The following CRACD variants were observed in gnomAD, a reference collection of about 807,000 sequenced individuals.
The protein encoded by CRACD is capping protein-inhibiting regulator of actin dynamics.
Under a neutral mutation model 106.8 loss-of-function variants are expected in CRACD, and 56 were observed. The observed-to-expected ratio is 0.52, with a 90% CI of 0.42 to 0.66. CRACD has a LOEUF of 0.66. CRACD is among the 30% of genes least tolerant of loss of function. The pLI is 0.00. For missense variants in CRACD, 1,730 were observed against 1,623.2 expected (o/e 1.07, Z -1.13); for synonymous variants, 754 against 670.8 (o/e 1.12, Z -1.92).
intron 1 of CRACD, among the ~76,000 whole-genome samples, chr4:56,081,725 C>T (rs960398021): frequency 6.6e-5 from 10 of 152,260 alleles, no homozygotes; most frequent in African/African-American, 2.4e-4. Flanking sequence ...CCTGTAATCT[C>T]AGCACTTTGG....
At chr4:56,128,498 G>T (rs778879435) in intron 1 of CRACD, among the ~76,000 whole-genome samples, 6 of 152,130 alleles carry the variant, frequency 3.9e-5, no homozygotes, top group Non-Finnish European at 8.8e-5. Context: ...TGTTGTAAAT[G>T]CTTCTTGACA....
At position 56,227,152 on chromosome 4, in the gene CRACD, A is replaced by G. The variant is rs537206122; in HGVS notation, c.-188-45169A>G. Among the ~76,000 whole-genome samples the G allele has an allele frequency of 9.8e-4, 149 of 152,336 alleles. 1 individual carries two copies. The highest frequency in any genetic ancestry group is 3.3e-3 in the African/African-American group (138 of 41,578). On this transcript the variant is annotated intron_variant, in intron 2 of 10. Transcript: ENST00000682029. ...CAGGATTCCAGTAAAAGTGGTCAACATAATGTGAGAGATGTACTTTTGTTA... is the reference window on the plus strand; with the variant it reads ...CAGGATTCCAGTAAAAGTGGTCAACGTAATGTGAGAGATGTACTTTTGTTA...
intron 1 of CRACD, among the ~76,000 whole-genome samples, chr4:56,178,920 C>T (rs1736697443): frequency 6.6e-6 from 1 of 152,176 alleles, no homozygotes; most frequent in Non-Finnish European, 1.5e-5. Flanking sequence ...ATGATTACTG[C>T]CTTCACGTCT....
chr4:56,272,230 T>C (rs2109647676), intron 2 of CRACD, 91 bp from the exon 3 acceptor site: 1 of 153,780 alleles, frequency 6.5e-6, no homozygotes, highest in East Asian at 1.9e-4. Context: ...CTGTCTCCTT[T>C]GGCCGGAGGC....
At chr4:56,324,002 A>G in intron 9 of CRACD, 102 bp from the exon 10 acceptor site, 2 of 1,284,616 alleles carry the variant, frequency 1.6e-6, no homozygotes. Context: ...TTGGAAGCAG[A>G]GGTCAGGGGC....
At chr4:56,145,669 T>C (rs1735354938) in intron 1 of CRACD, among the ~76,000 whole-genome samples, 1 of 152,156 alleles carries the variant, frequency 6.6e-6, no homozygotes, top group Non-Finnish European at 1.5e-5. Context: ...TGGAGTGCGG[T>C]GTTGTGATCT....
intron 1 of CRACD, among the ~76,000 whole-genome samples, chr4:56,123,153 A>G (rs1221562656): frequency 6.6e-6 from 1 of 152,218 alleles, no homozygotes; most frequent in Non-Finnish European, 1.5e-5. Context: ...TGTTAATAAG[A>G]GCTGACATTT....
At chr4:56,052,154 A>T (rs1242617313) in intron 1 of CRACD, among the ~76,000 whole-genome samples, 1 of 152,114 alleles carries the variant, frequency 6.6e-6, no homozygotes, top group Non-Finnish European at 1.5e-5. Context: ...CTCCCAAAAT[A>T]CTAGGATTAC....
intron 2 of CRACD, among the ~76,000 whole-genome samples, chr4:56,201,954 G>A (rs1233109426): frequency 2.0e-5 from 3 of 152,184 alleles, no homozygotes; most frequent in African/African-American, 4.8e-5. Flanking sequence ...TAAGAAGTTG[G>A]AGACAAGTTA....
At chr4:56,326,717 T>A (rs971100085) in intron 10 of CRACD, among the ~76,000 whole-genome samples, 2 of 149,876 alleles carry the variant, frequency 1.3e-5, no homozygotes, top group Non-Finnish European at 3.0e-5. Flanking sequence ...AGGCACCCAG[T>A]GGATGCTTTT....
intron 1 of CRACD, among the ~76,000 whole-genome samples, chr4:56,113,086 TA>T (rs1297086663): frequency 6.6e-6 from 1 of 151,942 alleles, no homozygotes; most frequent in Non-Finnish European, 1.5e-5. Flanking sequence ...AGTGGCATCT[TA>T]ATATGGACTT....
intron 2 of CRACD, among the ~76,000 whole-genome samples, chr4:56,236,824 A>T (rs1444408559): frequency 6.6e-6 from 1 of 152,188 alleles, no homozygotes; most frequent in African/African-American, 2.4e-5. Context: ...TTTGCAACGT[A>T]TTACAAATGT....
chr4:56,094,376 G>T (rs1432117143), intron 1 of CRACD, among the ~76,000 whole-genome samples: 4 of 147,340 alleles, frequency 2.7e-5, no homozygotes, highest in Non-Finnish European at 6.0e-5. Context: ...TTCATAAAAT[G>T]ATTTTTATAT....
At chr4:56,230,032 C>G (rs934833586) in intron 2 of CRACD, among the ~76,000 whole-genome samples, 1 of 152,180 alleles carries the variant, frequency 6.6e-6, no homozygotes, top group South Asian at 2.1e-4. Flanking sequence ...GGATTTTCTG[C>G]TTATTATTTC....
intron 1 of CRACD, among the ~76,000 whole-genome samples, chr4:56,136,197 T>C (rs746846286): frequency 6.6e-6 from 1 of 152,232 alleles, no homozygotes; most frequent in Non-Finnish European, 1.5e-5. Flanking sequence ...CCTGTTTTGC[T>C]GTTAAAATAA....
intron 7 of CRACD, among the ~76,000 whole-genome samples, 158 bp from the exon 8 acceptor site, chr4:56,313,882 G>A (rs1402992449): frequency 6.6e-6 from 1 of 152,110 alleles, no homozygotes; most frequent in Admixed American, 6.5e-5. Flanking sequence ...CTTGCGTGGG[G>A]TGACCGATGC....
chr4:56,065,865 C>A (rs1732449490), intron 1 of CRACD, among the ~76,000 whole-genome samples: 1 of 152,292 alleles, frequency 6.6e-6, no homozygotes, highest in East Asian at 1.9e-4. Context: ...CAGCCCCTGG[C>A]AATCTCTATT....
chr4:56,081,846 C>T (rs1733042924), intron 1 of CRACD, among the ~76,000 whole-genome samples: 1 of 152,020 alleles, frequency 6.6e-6, no homozygotes, highest in Non-Finnish European at 1.5e-5. Context: ...TGTAGTGGTG[C>T]ACGCCCGTAA....
intron 2 of CRACD, among the ~76,000 whole-genome samples, chr4:56,182,436 A>AC (rs1736869615): frequency 2.0e-5 from 3 of 151,390 alleles, no homozygotes; most frequent in African/African-American, 7.3e-5. Context: ...AAAGAAACAA[A>AC]AAAAAAAAAC....
Sources: gnomAD v4.1 joint callset for allele counts (sites outside exome capture counted in the v4.1 genomes callset) on GRCh38, gnomAD v4.1.1 for gene constraint, MANE v1.5 for transcripts, NCBI Gene and HGNC (gene_info 2026-07-23, HGNC 2026-07-21) for gene names.